Variants in TENM2 observed in about 807,000 individuals in gnomAD.
TENM2 encodes teneurin-2.
TENM2 carries 52 observed loss-of-function variants against 245.2 expected under a neutral mutation model. That is an observed-to-expected ratio of 0.21 (90% CI 0.17 to 0.27). TENM2 has a LOEUF of 0.27. Among genes scored for constraint, TENM2 ranks in the 10% least tolerant of loss-of-function variants. TENM2 has a pLI of 1.00. For synonymous variants in TENM2, 1,363 were observed against 1,438.9 expected (o/e 0.95, Z 1.19); for missense variants, 3,046 against 3,666.8 (o/e 0.83, Z 4.37).
At chr5:167,023,894 G>C in the TENM2 span, among the ~76,000 whole-genome samples, 1 of 152,152 alleles carries the variant, frequency 6.6e-6, no homozygotes, top group Non-Finnish European at 1.5e-5. Flanking sequence ...TTGTTTTTAG[G>C]TCAACACTTT....
At chr5:167,652,136 G>T (rs947873838) in intron 2 of TENM2, among the ~76,000 whole-genome samples, 1 of 152,308 alleles carries the variant, frequency 6.6e-6, no homozygotes, top group Admixed American at 6.5e-5. Flanking sequence ...AGAAGACCTT[G>T]ATAAACTAGA....
intron 2 of TENM2, among the ~76,000 whole-genome samples, chr5:167,731,923 C>G (rs1320011087): frequency 1.3e-5 from 2 of 151,918 alleles, no homozygotes; most frequent in African/African-American, 4.8e-5. Flanking sequence ...TTGCCTACTT[C>G]TAATTTGTTG....
At chr5:167,538,400 C>G (rs1771988072) in intron 2 of TENM2, among the ~76,000 whole-genome samples, 1 of 152,224 alleles carries the variant, frequency 6.6e-6, no homozygotes, top group Non-Finnish European at 1.5e-5. Flanking sequence ...TTCCCAGGTT[C>G]TGTCAGTCAG....
At chr5:167,714,324 G>C (rs1166753042) in intron 2 of TENM2, among the ~76,000 whole-genome samples, 1 of 152,256 alleles carries the variant, frequency 6.6e-6, no homozygotes, top group Non-Finnish European at 1.5e-5. Flanking sequence ...AGGGCAAGAA[G>C]TCGCATGGAT....
chr5:168,215,916 G>T (rs1367223996), intron 21 of TENM2, among the ~76,000 whole-genome samples: 1 of 152,246 alleles, frequency 6.6e-6, no homozygotes, highest in African/African-American at 2.4e-5. Context: ...GTATGAAGTC[G>T]AAAGTGCAGT....
At chr5:167,545,621 C>T (rs1261726488) in intron 2 of TENM2, among the ~76,000 whole-genome samples, 6 of 152,136 alleles carry the variant, frequency 3.9e-5, no homozygotes, top group Non-Finnish European at 8.8e-5. Context: ...AAGGCATTAA[C>T]AAAAACCACT....
chr5:167,607,532 C>A (rs762530303), intron 2 of TENM2, among the ~76,000 whole-genome samples: 14 of 152,182 alleles, frequency 9.2e-5, no homozygotes, highest in Non-Finnish European at 1.8e-4. Context: ...CAGTTGATGA[C>A]CATTACTTCG....
chr5:168,101,304 G>A (rs1037822881), intron 9 of TENM2, among the ~76,000 whole-genome samples: 1 of 152,096 alleles, frequency 6.6e-6, no homozygotes, highest in African/African-American at 2.4e-5. Context: ...CAGCCGCACG[G>A]CCCGTGAGCT....
At chr5:167,750,873 T>A (rs1761913231) in intron 2 of TENM2, among the ~76,000 whole-genome samples, 1 of 152,210 alleles carries the variant, frequency 6.6e-6, no homozygotes, top group Admixed American at 6.5e-5. Context: ...GGTGCCATTA[T>A]ATCATATTCC....
chr5:167,493,045 T>A (rs1582196675), intron 2 of TENM2, among the ~76,000 whole-genome samples: 1 of 152,264 alleles, frequency 6.6e-6, no homozygotes, highest in Non-Finnish European at 1.5e-5. Flanking sequence ...GAACCCTTCC[T>A]GCTGTGGGAT....
intron 13 of TENM2, among the ~76,000 whole-genome samples, chr5:168,170,551 A>C (rs1050933323): frequency 6.6e-6 from 1 of 152,028 alleles, no homozygotes; most frequent in Non-Finnish European, 1.5e-5. Flanking sequence ...GGGAGGAAGG[A>C]AGAAAGGAAG....
intron 2 of TENM2, among the ~76,000 whole-genome samples, chr5:167,850,748 C>A (rs140471993): frequency 6.6e-6 from 1 of 152,144 alleles, no homozygotes; most frequent in African/African-American, 2.4e-5. Flanking sequence ...CCTCTCCAAA[C>A]CACCTGGGCT....
At chr5:168,170,785 T>C (rs958581447) in intron 13 of TENM2, among the ~76,000 whole-genome samples, 1 of 149,622 alleles carries the variant, frequency 6.7e-6, no homozygotes, top group African/African-American at 2.4e-5. Context: ...GCAAAAGTTA[T>C]TGTGGTTTTG....
intron 2 of TENM2, among the ~76,000 whole-genome samples, chr5:167,387,746 G>A (rs544244971): frequency 2.6e-5 from 4 of 151,994 alleles, no homozygotes; most frequent in South Asian, 2.1e-4. Context: ...GGGTTTTTTC[G>A]AATGTTTTTT....
rs1554126521 is a variant in TENM2 at position 167,827,635 on chromosome 5, G to GGGC, written c.503-48349_503-48348insCGG. Among the ~76,000 whole-genome samples the GGGC allele has an allele frequency of 2.8e-5, 3 of 107,954 alleles. 1 individual carries two copies. The highest frequency in any genetic ancestry group is 1.0e-4 in the African/African-American group (3 of 29,376). 70.8% of individuals were successfully genotyped at this position (107,954 alleles called of 152,430 possible). Reference sequence around the variant, plus strand: ...GGCAAGGAGCTAGGTGGGCGGGGGGGGGGGAACAGTTTAATGAGCGTGAAT... The same window carrying GGGC: ...GGCAAGGAGCTAGGTGGGCGGGGGGGGGCGGGGAACAGTTTAATGAGCGTGAAT... On this transcript the variant is annotated intron_variant, in intron 2 of 28. Transcript: ENST00000518659.
At chr5:168,192,516 T>G (rs932289793) in intron 14 of TENM2, among the ~76,000 whole-genome samples, 2 of 152,228 alleles carry the variant, frequency 1.3e-5, no homozygotes, top group African/African-American at 4.8e-5. Flanking sequence ...GCATATGCCC[T>G]GAATTGCCAT....
chr5:167,070,063 G>T, the TENM2 span, among the ~76,000 whole-genome samples: 8 of 151,448 alleles, frequency 5.3e-5, no homozygotes, highest in African/African-American at 1.9e-4. Context: ...TCTGATGAGT[G>T]AATGTACTAG....
At chr5:167,561,799 A>AT (rs898336442) in intron 2 of TENM2, among the ~76,000 whole-genome samples, 9 of 152,094 alleles carry the variant, frequency 5.9e-5, no homozygotes, top group African/African-American at 1.4e-4. Flanking sequence ...AGCTAAAGGA[A>AT]TTTTTTTTAA....
At chr5:167,565,306 AATTGTAAACTTAGC>A (rs1773842003) in intron 2 of TENM2, among the ~76,000 whole-genome samples, 1 of 152,208 alleles carries the variant, frequency 6.6e-6, no homozygotes, top group African/African-American at 2.4e-5. Context: ...TTTTCTGTAC[AATTGTAAACTTAGC>A]AATTCACTTA....
Sources: allele counts gnomAD v4.1 joint callset (sites outside exome capture counted in the v4.1 genomes callset), GRCh38; gene constraint gnomAD v4.1.1; transcripts MANE v1.5; gene names NCBI Gene and HGNC (gene_info 2026-07-23, HGNC 2026-07-21).